The following AP3S1 variants were observed in gnomAD, a reference collection of about 807,000 sequenced individuals.
The protein encoded by AP3S1 is AP-3 complex subunit sigma-1.
A neutral mutation model predicts 21.3 loss-of-function variants in AP3S1; 12 were observed. The observed-to-expected ratio is 0.56, with a 90% CI of 0.36 to 0.91. AP3S1 has a LOEUF of 0.91. Among genes scored for constraint, AP3S1 ranks in the 40% least tolerant of loss-of-function variants. The pLI is 0.01. For missense variants in AP3S1, 116 were observed against 225.0 expected (o/e 0.52, Z 3.10); for synonymous variants, 48 against 78.4 (o/e 0.61, Z 2.05).
intron 4 of AP3S1, among the ~76,000 whole-genome samples, chr5:115,902,005 A>G (rs770534865): frequency 2.0e-5 from 3 of 152,182 alleles, no homozygotes; most frequent in South Asian, 2.1e-4. Flanking sequence ...TGTTATGGTA[A>G]TCCTATGAGG....
At chr5:115,882,492 A>G (rs184727417) in intron 3 of AP3S1, among the ~76,000 whole-genome samples, 20 of 152,082 alleles carry the variant, frequency 1.3e-4, no homozygotes, top group African/African-American at 4.8e-4. Context: ...CTGGAGGTCC[A>G]CTCCAGACCC....
intron 1 of AP3S1, chr5:115,853,091 A>G (rs1431717866): frequency 6.9e-6 from 3 of 436,740 alleles, no homozygotes; most frequent in African/African-American, 4.1e-5. Context: ...ATTCCCACCA[A>G]CAATGTCTGA....
At chr5:115,895,376 A>C (rs1561517915) in intron 4 of AP3S1, among the ~76,000 whole-genome samples, 1 of 152,150 alleles carries the variant, frequency 6.6e-6, no homozygotes, top group East Asian at 1.9e-4. Flanking sequence ...CGGCATTAAC[A>C]AATAATAATA....
At chr5:115,897,043 T>G (rs1750810497) in intron 4 of AP3S1, among the ~76,000 whole-genome samples, 1 of 152,242 alleles carries the variant, frequency 6.6e-6, no homozygotes, top group Non-Finnish European at 1.5e-5. Flanking sequence ...TTTTAAAACT[T>G]CTATTTCTCA....
chr5:115,886,491 C>G (rs1749794017), intron 3 of AP3S1, among the ~76,000 whole-genome samples: 1 of 152,144 alleles, frequency 6.6e-6, no homozygotes, highest in Non-Finnish European at 1.5e-5. Flanking sequence ...TATATGTTCT[C>G]TTCCTTATGA....
chr5:115,865,839 G>A (rs554384828), intron 1 of AP3S1, among the ~76,000 whole-genome samples: 4 of 152,124 alleles, frequency 2.6e-5, no homozygotes, highest in South Asian at 2.1e-4. Context: ...TCACTCTGTC[G>A]CCAGGCTGGA....
At chr5:115,883,769 T>G (rs780876277) in intron 3 of AP3S1, among the ~76,000 whole-genome samples, 10 of 152,260 alleles carry the variant, frequency 6.6e-5, no homozygotes, top group Non-Finnish European at 1.3e-4. Context: ...GAAATACCAT[T>G]TTAAAAATCA....
chr5:115,846,882 T>C (rs563063900), intron 1 of AP3S1, among the ~76,000 whole-genome samples: 4 of 152,370 alleles, frequency 2.6e-5, no homozygotes, highest in East Asian at 1.9e-4. Flanking sequence ...TTGGGTTTTA[T>C]GTAGCCTGAC....
rs551305651 is a variant in AP3S1 at position 115,842,217 on chromosome 5, C to G, written c.69+111C>G. The G allele has an allele frequency of 5.6e-5, 78 of 1,395,232 alleles. No homozygotes were observed. In the South Asian group the frequency reaches 5.9e-4, roughly 10 times the overall value. The allele number at this position is 1,395,232 out of a possible 1,614,324, so 86.4% of individuals were successfully genotyped here. On this transcript the variant is annotated intron_variant, in intron 1 of 5. Transcript: ENST00000316788. ...CTCCGGCGCGCTGCGGCCCTTGTCCCGTCCCGGCCGCCTGGCGCTCGCCAG... is the reference window on the plus strand; with the variant it reads ...CTCCGGCGCGCTGCGGCCCTTGTCCGGTCCCGGCCGCCTGGCGCTCGCCAG...
Position 115,867,216 on chromosome 5 carries a change from T to C in AP3S1, c.161+455T>C, listed in dbSNP as rs140998537. 5.1e-3 allele frequency among the ~76,000 whole-genome samples: 770 copies of C among 152,280 alleles called. 2 individuals are homozygous for C. The highest frequency in any genetic ancestry group is 6.8e-3 in the South Asian group (33 of 4,828). The stretch of plus-strand genomic sequence containing the variant: ...TGCATGTTGCTGGTTCTCAGTATTT[T>C]CAAAAGCTTTGCATAGAAACACATC... On this transcript the variant is annotated intron_variant, in intron 2 of 5. Transcript: ENST00000316788.
intron 3 of AP3S1, among the ~76,000 whole-genome samples, chr5:115,883,623 G>T (rs1451215175): frequency 6.6e-6 from 1 of 152,218 alleles, no homozygotes; most frequent in Non-Finnish European, 1.5e-5. Flanking sequence ...CTCGCTGGGA[G>T]CTGCAGACTG....
chr5:115,847,372 C>T (rs914990374), intron 1 of AP3S1, among the ~76,000 whole-genome samples: 2 of 152,100 alleles, frequency 1.3e-5, no homozygotes, highest in Non-Finnish European at 1.5e-5. Context: ...AATCCCAGCA[C>T]GTTGGGAGGC....
chr5:115,906,338 A>C (rs1468343633), intron 5 of AP3S1, among the ~76,000 whole-genome samples: 2 of 152,164 alleles, frequency 1.3e-5, no homozygotes, highest in South Asian at 2.1e-4. Context: ...GCATTTATCT[A>C]GGGGCCTTTG....
At chr5:115,884,861 G>A (rs1433225977) in intron 3 of AP3S1, among the ~76,000 whole-genome samples, 1 of 152,046 alleles carries the variant, frequency 6.6e-6, no homozygotes, top group Non-Finnish European at 1.5e-5. Context: ...GTTGACTTGA[G>A]AGGCCCTGGC....
intron 1 of AP3S1, chr5:115,842,447 G>T (rs956574420): frequency 2.3e-5 from 5 of 220,704 alleles, no homozygotes; most frequent in Non-Finnish European, 3.5e-5. Flanking sequence ...GGAGCCCTGC[G>T]CCCAGTCCCC....
chr5:115,859,152 C>G (rs1762994176), intron 1 of AP3S1, among the ~76,000 whole-genome samples: 1 of 152,054 alleles, frequency 6.6e-6, no homozygotes, highest in Admixed American at 6.6e-5. Flanking sequence ...TTAGAGGTTG[C>G]CTGTGCGATC....
At chr5:115,866,872 T>G (rs1327122325) in intron 2 of AP3S1, 111 bp downstream of exon 2, 1 of 497,594 alleles carries the variant, frequency 2.0e-6, no homozygotes, top group Admixed American at 4.3e-5. Context: ...TTGGATTAGG[T>G]GAATTAATTG....
chr5:115,911,438 T>A (rs1485105171), intron 5 of AP3S1, among the ~76,000 whole-genome samples: 1 of 152,070 alleles, frequency 6.6e-6, no homozygotes, highest in African/African-American at 2.4e-5. Context: ...TACTTTTCTA[T>A]AGTCAGTTCA....
At chr5:115,874,530 T>C (rs1354208018) in intron 3 of AP3S1, among the ~76,000 whole-genome samples, 1 of 152,108 alleles carries the variant, frequency 6.6e-6, no homozygotes, top group Non-Finnish European at 1.5e-5. Context: ...TCTTATTCAG[T>C]TGTAGCTAGA....
Sources: allele counts gnomAD v4.1 joint callset (sites outside exome capture counted in the v4.1 genomes callset), GRCh38; gene constraint gnomAD v4.1.1; transcripts MANE v1.5; gene names NCBI Gene and HGNC (gene_info 2026-07-23, HGNC 2026-07-21).